Variants in ARL17A observed in about 807,000 individuals in gnomAD.
ARL17A encodes the protein ADP-ribosylation factor-like 17-like.
intron 4 of ARL17A, among the ~76,000 whole-genome samples, chr17:46,535,233 A>C (rs1297347660): frequency 1.3e-5 from 2 of 148,822 alleles, no homozygotes; most frequent in Admixed American, 1.3e-4. Context: ...TATTAATCTT[A>C]TTGAGGATCC....
At chr17:46,503,017 C>T in the ARL17A span, among the ~76,000 whole-genome samples, 4 of 150,656 alleles carry the variant, frequency 2.7e-5, no homozygotes, top group African/African-American at 1.0e-4. Flanking sequence ...TGGAGATCAT[C>T]CTGGCTAACA....
rs1202779609 is a variant in ARL17A at position 46,532,002 on chromosome 17, G to A, written c.336-3143C>T. On this transcript the variant is annotated intron_variant, in intron 4 of 4. Coordinates refer to the ARL17A transcript ENST00000329240. ...CTTATAATCGTGTGAGATGTAGGGG[G>A]TCCACCTTCATTATTTTGCACATAG... 1.3e-5 allele frequency among the ~76,000 whole-genome samples: 2 copies of A among 148,738 alleles called. 1 individual carries two copies. The highest frequency in any genetic ancestry group is 2.9e-5 in the Non-Finnish European group (2 of 67,814).
chr17:46,534,745 G>A (rs1382819850), intron 4 of ARL17A, among the ~76,000 whole-genome samples: 1 of 149,934 alleles, frequency 6.7e-6, no homozygotes, highest in Non-Finnish European at 1.5e-5. Flanking sequence ...CCGGGCAGAG[G>A]GGCTCCTCAC....
intron 3 of ARL17A, among the ~76,000 whole-genome samples, chr17:46,569,109 AT>A (rs1175695530): frequency 1.3e-5 from 2 of 149,086 alleles, no homozygotes; most frequent in Non-Finnish European, 3.0e-5. Context: ...AGCCTGGCTA[AT>A]TTTTTTTGCA....
At chr17:46,525,432 C>G (rs1598336809), downstream of ARL17A, among the ~76,000 whole-genome samples, 1 of 111,030 alleles carries the variant, frequency 9.0e-6, no homozygotes, top group Admixed American at 8.7e-5. Flanking sequence ...ACTAAAAATA[C>G]AAAAATTAGC....
chr17:46,533,730 G>A lies in ARL17A; in HGVS notation c.335+4621C>T, dbSNP rs1165039783. Among the ~76,000 whole-genome samples the A allele has an allele frequency of 5.0e-4, 44 of 87,202 alleles. 1 individual carries two copies. Among genetic ancestry groups the A allele is most frequent in the African/African-American group, 3.3e-3 (44 of 13,430 alleles). The allele number at this position is 87,202 out of a possible 152,430, so 57.2% of individuals were successfully genotyped here. On this transcript the variant is annotated intron_variant, in intron 4 of 4. Transcript: ENST00000329240. ...TTTGCCAGGCTGGTCTCAACCTCTT[G>A]ACCTCAAGTGATCCTCCAGCCTCAG... is the stretch of plus-strand genomic sequence containing the variant.
At chr17:46,500,999 G>C in the ARL17A span, among the ~76,000 whole-genome samples, 3 of 151,130 alleles carry the variant, frequency 2.0e-5, no homozygotes, top group African/African-American at 7.4e-5. Flanking sequence ...GGCTAACATG[G>C]TGAGACCCCG....
the ARL17A span, among the ~76,000 whole-genome samples, chr17:46,500,502 C>A: frequency 6.7e-6 from 1 of 149,844 alleles, no homozygotes; most frequent in East Asian, 2.0e-4. Flanking sequence ...ATTTTTGTGG[C>A]ACCTCCACTT....
At chr17:46,550,374 G>A (rs1476105565), downstream of ARL17A, 3 of 689,662 alleles carry the variant, frequency 4.3e-6, no homozygotes, top group East Asian at 8.2e-5. Context: ...TGAATAGTTA[G>A]CTCTCATTCT....
At chr17:46,534,196 T>A (rs2054194592) in intron 4 of ARL17A, among the ~76,000 whole-genome samples, 1 of 149,184 alleles carries the variant, frequency 6.7e-6, no homozygotes, top group African/African-American at 2.6e-5. Flanking sequence ...TTTTTGTTTT[T>A]GTTTTTTTTA....
intron 3 of ARL17A, among the ~76,000 whole-genome samples, chr17:46,543,192 T>C (rs550382642): frequency 2.9e-4 from 43 of 150,766 alleles, no homozygotes; most frequent in Non-Finnish European, 5.1e-4. Context: ...AAATGTCTTA[T>C]GGGAGTTCAT....
In ARL17A at chr17:46,557,493, C is replaced by G; in HGVS notation, c.397G>C (p.Gly133Arg). 1 of 449,514 alleles carries G rather than the reference C, an allele frequency of 2.2e-6. No homozygotes were observed. The highest frequency in any genetic ancestry group is 3.6e-6 in the Non-Finnish European group (1 of 275,838). The allele number at this position is 449,514 out of a possible 1,614,324, so 27.8% of individuals were successfully genotyped here. A position where few individuals can be genotyped will look rare whatever the true frequency, so the allele number is the denominator to read the frequency against. The change falls in exon 4 of 4, where the codon GGC becomes CGC. Residue 133 changes from glycine (G) to arginine (R), a missense_variant. Gly to Arg is a moderately radical substitution (Grantham distance 125). Transcript: ENST00000336125. ...PFLPHSSRCA[G>R]SGGQLDSILP... ...ATGGAGTCCAGCTGACCACCAGAGC[C>G]TGCACACCTGCTGCTATGGGGGAGG...
downstream of ARL17A, among the ~76,000 whole-genome samples, chr17:46,552,274 TTTTCC>T (rs1289149202): frequency 5.5e-4 from 1 of 1,812 alleles, no homozygotes; most frequent in Non-Finnish European, 1.3e-3. Context: ...CCCTTTTCCT[TTTTCC>T]TTTCCTTTCC....
At chr17:46,515,057 C>G (rs2667800), downstream of ARL17A, 6 of 753,242 alleles carry the variant, frequency 8.0e-6, 2 homozygotes, top group South Asian at 2.7e-5. Flanking sequence ...CGGGTTCAGA[C>G]TCTGCATCGA....
chr17:46,534,240 C>T (rs1226955757), intron 4 of ARL17A, among the ~76,000 whole-genome samples: 6 of 145,808 alleles, frequency 4.1e-5, no homozygotes, highest in Non-Finnish European at 8.9e-5. Context: ...GGGTGTTTCT[C>T]GCAGAGGGGG....
intron 4 of ARL17A, among the ~76,000 whole-genome samples, chr17:46,535,060 A>G (rs1385644515): frequency 4.7e-5 from 7 of 148,390 alleles, no homozygotes; most frequent in African/African-American, 1.8e-4. Context: ...ATGCCCAGTT[A>G]TTTTCAAATT....
At chr17:46,548,908 T>C (rs542986463), downstream of ARL17A, 35 of 1,612,688 alleles carry the variant, frequency 2.2e-5, 2 homozygotes, top group East Asian at 7.8e-4. Context: ...GGGCGCGCCT[T>C]CTACCTCCAG....
At chr17:46,551,241 T>A (rs1164710739), downstream of ARL17A, among the ~76,000 whole-genome samples, 1 of 149,266 alleles carries the variant, frequency 6.7e-6, no homozygotes, top group Non-Finnish European at 1.5e-5. Flanking sequence ...GGACAAGTCC[T>A]GTTTACAGTG....
chr17:46,544,101 G>A (rs1215455017), intron 3 of ARL17A, among the ~76,000 whole-genome samples: 1 of 115,914 alleles, frequency 8.6e-6, no homozygotes, highest in East Asian at 2.4e-4. Context: ...GTGTAACAGA[G>A]CGAGACCCGG....
Sources: gnomAD v4.1 joint callset for allele counts (sites outside exome capture counted in the v4.1 genomes callset) on GRCh38, gnomAD v4.1.1 for gene constraint, MANE v1.5 for transcripts, NCBI Gene and HGNC (gene_info 2026-07-23, HGNC 2026-07-21) for gene names.